FRMD3: variants seen among roughly 807,000 people sequenced by gnomAD.
FRMD3 encodes the protein FERM domain containing 3.
A neutral mutation model predicts 70.2 loss-of-function variants in FRMD3; 33 were observed. That is an observed-to-expected ratio of 0.47 (90% CI 0.36 to 0.63). The LOEUF is 0.63. Among genes scored for constraint, FRMD3 ranks in the 20% least tolerant of loss-of-function variants. The pLI, the probability that FRMD3 is intolerant of heterozygous loss-of-function variation, is 0.00. For synonymous variants in FRMD3, 279 were observed against 255.9 expected (o/e 1.09, Z -0.86); for missense variants, 632 against 711.4 (o/e 0.89, Z 1.27).
chr9:83,410,347 C>T (rs2131338033), intron 1 of FRMD3, among the ~76,000 whole-genome samples: 1 of 152,256 alleles, frequency 6.6e-6, no homozygotes, highest in African/African-American at 2.4e-5. Context: ...TGCCATCATT[C>T]TGTCCATAAG....
At chr9:83,484,360 G>A (rs1413243650) in intron 1 of FRMD3, among the ~76,000 whole-genome samples, 1 of 152,196 alleles carries the variant, frequency 6.6e-6, no homozygotes, top group African/African-American at 2.4e-5. Flanking sequence ...GCAAGAGCCG[G>A]GGAAGACAGA....
intron 10 of FRMD3, among the ~76,000 whole-genome samples, chr9:83,304,609 T>C (rs1257638933): frequency 6.6e-6 from 1 of 152,214 alleles, no homozygotes; most frequent in African/African-American, 2.4e-5. Flanking sequence ...TAGGAACTGC[T>C]TTTATCCCTT....
At chr9:83,583,512 A>T in the FRMD3 span, among the ~76,000 whole-genome samples, 1 of 152,226 alleles carries the variant, frequency 6.6e-6, no homozygotes, top group East Asian at 1.9e-4. Flanking sequence ...TATAATTAAA[A>T]TTACATTACC....
At chr9:83,390,868 G>A (rs899458574) in intron 1 of FRMD3, among the ~76,000 whole-genome samples, 5 of 152,166 alleles carry the variant, frequency 3.3e-5, no homozygotes, top group African/African-American at 1.2e-4. Context: ...AGATCAGTTT[G>A]GTCTATGTTA....
intron 1 of FRMD3, among the ~76,000 whole-genome samples, chr9:83,511,772 C>T (rs375783638): frequency 8.5e-5 from 13 of 152,152 alleles, no homozygotes; most frequent in African/African-American, 2.4e-4. Context: ...ATACCAGGGA[C>T]GCATGTCAGG....
the FRMD3 span, among the ~76,000 whole-genome samples, chr9:83,561,497 A>G: frequency 7.9e-5 from 12 of 152,354 alleles, no homozygotes; most frequent in Admixed American, 5.9e-4. Context: ...GCAGTAACAA[A>G]TAGCCCTTAA....
At chr9:83,316,148 C>CTTTTTTTTTTTTTTTTTT (rs369641019) in intron 6 of FRMD3, among the ~76,000 whole-genome samples, 1 of 134,500 alleles carries the variant, frequency 7.4e-6, no homozygotes, top group African/African-American at 2.8e-5. Flanking sequence ...TCTTTTTTCT[C>CTTTTTTTTTTTTTTTTTT]TTTTTTTTTT....
At chr9:83,566,220 A>G in the FRMD3 span, among the ~76,000 whole-genome samples, 1 of 152,154 alleles carries the variant, frequency 6.6e-6, no homozygotes, top group Admixed American at 6.5e-5. Context: ...TGAGGAAGAA[A>G]CAAAAGCAGA....
chr9:83,309,657 C>G (rs372381028), intron 9 of FRMD3, 33 bp from the exon 10 acceptor site: 3 of 1,344,368 alleles, frequency 2.2e-6, no homozygotes, highest in Non-Finnish European at 1.0e-6. Flanking sequence ...AGAAAAGGCA[C>G]GTAAAATACC....
At chr9:83,492,192 T>C (rs1288029364) in intron 1 of FRMD3, among the ~76,000 whole-genome samples, 1 of 152,160 alleles carries the variant, frequency 6.6e-6, no homozygotes, top group South Asian at 2.1e-4. Context: ...AGAGGATGAT[T>C]TGATGAAAGC....
intron 10 of FRMD3, among the ~76,000 whole-genome samples, chr9:83,306,573 C>T (rs1835144017): frequency 6.6e-6 from 1 of 152,226 alleles, no homozygotes; most frequent in African/African-American, 2.4e-5. Context: ...TCACCCTCTC[C>T]TCTGGATTCC....
chr9:83,393,046 A>C lies in FRMD3; in HGVS notation c.148-3338T>G, dbSNP rs150958955. Among the ~76,000 whole-genome samples, 9 of 152,384 alleles carry C rather than the reference A, an allele frequency of 5.9e-5. No homozygotes were observed. In the East Asian group the frequency reaches 1.7e-3, roughly 29 times the overall value. On this transcript the variant is annotated intron_variant, in intron 1 of 13. Transcript: ENST00000304195. ...TAAATGCGTGAGCAGGGTCTAATACAAAGATCAGTAGGATTTGATAATCTG... is the reference window on the plus strand; with the variant it reads ...TAAATGCGTGAGCAGGGTCTAATACCAAGATCAGTAGGATTTGATAATCTG...
chr9:83,468,501 C>T (rs567762263), intron 1 of FRMD3, among the ~76,000 whole-genome samples: 3 of 152,260 alleles, frequency 2.0e-5, no homozygotes, highest in South Asian at 4.1e-4. Flanking sequence ...TCAATTGAGT[C>T]GGACAGAACT....
intron 2 of FRMD3, among the ~76,000 whole-genome samples, chr9:83,382,372 A>G (rs537464691): frequency 6.6e-6 from 1 of 152,378 alleles, no homozygotes; most frequent in South Asian, 2.1e-4. Context: ...ACATCTTTAA[A>G]GCATGGAAGA....
At chr9:83,435,593 C>T (rs7037923) in intron 1 of FRMD3, among the ~76,000 whole-genome samples, 87,042 of 151,698 alleles carry the variant, frequency 0.57, 26,106 homozygotes, top group African/African-American at 0.77. Context: ...TACTTCTTGG[C>T]ATGAATTATT....
At chr9:83,491,774 A>G (rs1256261033) in intron 1 of FRMD3, among the ~76,000 whole-genome samples, 2 of 152,242 alleles carry the variant, frequency 1.3e-5, no homozygotes, top group Admixed American at 1.3e-4. Flanking sequence ...AGGAAATGGT[A>G]TCTTGAGCTC....
At position 83,272,530 on chromosome 9, in the gene FRMD3, C is replaced by T. The variant is rs149541255; in HGVS notation, c.1195+18073G>A. Reference sequence around the variant, plus strand: ...TGCAGCTTCTGCCCGGCCGCCACCCCCTCTGGGAAGTGAGGAGCATCTCTG... The same window carrying T: ...TGCAGCTTCTGCCCGGCCGCCACCCTCTCTGGGAAGTGAGGAGCATCTCTG... On this transcript the variant is annotated intron_variant, in intron 13 of 13. Transcript: ENST00000304195. Among the ~76,000 whole-genome samples the T allele has an allele frequency of 5.3e-5, 8 of 152,308 alleles. No homozygotes were observed. In the South Asian group the frequency reaches 6.2e-4, roughly 12 times the overall value.
chr9:83,261,102 G>GACACACACACACACACACACACACAC (rs59345002), intron 13 of FRMD3, among the ~76,000 whole-genome samples: 16 of 133,156 alleles, frequency 1.2e-4, no homozygotes, highest in East Asian at 4.6e-4. Flanking sequence ...AGGAAACTTA[G>GACACACACACACACACACACACACAC]ACACACACAC....
chr9:83,322,954 C>T (rs1169448856), intron 6 of FRMD3, among the ~76,000 whole-genome samples: 9 of 152,196 alleles, frequency 5.9e-5, no homozygotes, highest in Non-Finnish European at 1.3e-4. Flanking sequence ...ATGTTCTATG[C>T]TATCAGTAAA....
Sources: allele counts gnomAD v4.1 joint callset (sites outside exome capture counted in the v4.1 genomes callset), GRCh38; gene constraint gnomAD v4.1.1; transcripts MANE v1.5; gene names NCBI Gene and HGNC (gene_info 2026-07-23, HGNC 2026-07-21).